The following ABL1 variants were observed in gnomAD, a reference collection of about 807,000 sequenced individuals.
ABL1 encodes ABL proto-oncogene 1, non-receptor tyrosine kinase, also known as tyrosine-protein kinase ABL1.
A neutral mutation model predicts 94.7 loss-of-function variants in ABL1; 11 were observed. That is an observed-to-expected ratio of 0.12 (90% CI 0.07 to 0.19). ABL1 has a LOEUF of 0.19. ABL1 is among the 10% of genes least tolerant of loss of function. The probability of loss-of-function intolerance (pLI) is 1.00; values close to 1 mark genes in which losing one functional copy is unlikely to be tolerated. For synonymous variants in ABL1, 656 were observed against 622.4 expected, an observed-to-expected ratio of 1.05 and a Z score of -0.80; for missense variants, 1,082 against 1,489.4, an observed-to-expected ratio of 0.73 and a Z score of 4.50.
At chr9:130,755,235 A>G (rs4740366) in intron 1 of ABL1, among the ~76,000 whole-genome samples, 45,434 of 151,998 alleles carry the variant, frequency 0.3, 9,368 homozygotes, top group African/African-American at 0.56. Flanking sequence ...TAAGTAGGAC[A>G]TGAGAAGAGC....
chr9:130,880,200 C>A lies in ABL1; in HGVS notation c.1513+43C>A, dbSNP rs1292124178. 6.3e-7 allele frequency: 1 copy of A among 1,585,390 alleles called. No homozygotes were observed. Among genetic ancestry groups the A allele is most frequent in the Non-Finnish European group, 8.7e-7 (1 of 1,153,984 alleles). Reference sequence around the variant, plus strand: ...GGGTACCTGCAGTGGGGTGAAAGGGCAGCCATGTGGGACTGCAGCCTGGGT... The same window carrying A: ...GGGTACCTGCAGTGGGGTGAAAGGGAAGCCATGTGGGACTGCAGCCTGGGT... On this transcript the variant is annotated intron_variant, in intron 9 of 10. Transcript: ENST00000318560. This position sits in a 1 kb window ranked among gnomAD's most constrained non-coding sequence, Gnocchi z 4.4.
chr9:130,718,500 T>C (rs911878319), intron 1 of ABL1, among the ~76,000 whole-genome samples: 1 of 152,280 alleles, frequency 6.6e-6, no homozygotes, highest in African/African-American at 2.4e-5. Flanking sequence ...ATTTCTAATG[T>C]GGTAACTATT....
At chr9:130,762,125 A>G (rs563547724) in intron 1 of ABL1, among the ~76,000 whole-genome samples, 13 of 142,996 alleles carry the variant, frequency 9.1e-5, no homozygotes, top group African/African-American at 3.5e-4. Flanking sequence ...CCTGGGCAAC[A>G]AGAGCGAAAC....
chr9:130,762,353 T>C (rs1832127294), intron 1 of ABL1, among the ~76,000 whole-genome samples: 1 of 152,200 alleles, frequency 6.6e-6, no homozygotes. Context: ...TTCTGTGCCA[T>C]TGAATATAAA....
At chr9:130,720,093 A>G (rs1229361339) in intron 1 of ABL1, among the ~76,000 whole-genome samples, 2 of 152,198 alleles carry the variant, frequency 1.3e-5, no homozygotes, top group Admixed American at 1.3e-4. Flanking sequence ...TTCAACAAAC[A>G]TTTATTTTAT....
intron 1 of ABL1, among the ~76,000 whole-genome samples, chr9:130,845,371 G>C (rs1234802560): frequency 4.7e-5 from 7 of 150,348 alleles, no homozygotes; most frequent in Admixed American, 4.6e-4. Flanking sequence ...AGACAGAGTC[G>C]AGCTCTGTTG....
chr9:130,745,045 G>A (rs1588219682), intron 1 of ABL1, among the ~76,000 whole-genome samples: 3 of 151,536 alleles, frequency 2.0e-5, no homozygotes, highest in African/African-American at 7.3e-5. Flanking sequence ...AATAAAGGTA[G>A]AGTGGTGAGA....
At chr9:130,730,073 TGC>T (rs1831643495) in intron 1 of ABL1, among the ~76,000 whole-genome samples, 1 of 129,936 alleles carries the variant, frequency 7.7e-6, no homozygotes, top group South Asian at 2.5e-4. Flanking sequence ...GATGGAATTC[TGC>T]TCTTGTTGCC....
chr9:130,868,527 T>C (rs866889048), intron 4 of ABL1, among the ~76,000 whole-genome samples: 3,973 of 136,196 alleles, frequency 0.029, 191 homozygotes, highest in African/African-American at 0.11. Flanking sequence ...TTTCTTTTTT[T>C]TTTTTTTTTT....
chr9:130,772,210 T>C (rs2132768597), intron 1 of ABL1, among the ~76,000 whole-genome samples: 1 of 152,324 alleles, frequency 6.6e-6, no homozygotes, highest in Admixed American at 6.5e-5. Context: ...ATTTCAGTCA[T>C]TTACATCGGA....
intron 1 of ABL1, among the ~76,000 whole-genome samples, chr9:130,845,858 C>CT (rs1251750646): frequency 6.9e-6 from 1 of 144,048 alleles, no homozygotes; most frequent in African/African-American, 2.6e-5. Context: ...AAAACTCTAT[C>CT]TAAAAAAAAA....
chr9:130,841,662 A>T (rs558559652), intron 1 of ABL1, among the ~76,000 whole-genome samples: 2 of 151,786 alleles, frequency 1.3e-5, no homozygotes, highest in Admixed American at 1.3e-4. Context: ...AATATAAAAA[A>T]TTAGCCAGGC....
intron 1 of ABL1, among the ~76,000 whole-genome samples, chr9:130,818,036 G>A (rs1830312491): frequency 2.0e-5 from 3 of 152,150 alleles, no homozygotes; most frequent in Admixed American, 1.3e-4. Flanking sequence ...TACAAAGTAA[G>A]GGTGCTATTT....
chr9:130,869,783 C>A (rs939182780), intron 4 of ABL1, among the ~76,000 whole-genome samples: 5 of 151,928 alleles, frequency 3.3e-5, no homozygotes, highest in African/African-American at 1.2e-4. Context: ...GGGATATTTC[C>A]AGTTTAACAC....
At chr9:130,823,339 T>C (rs777048459) in intron 1 of ABL1, among the ~76,000 whole-genome samples, 1 of 152,204 alleles carries the variant, frequency 6.6e-6, no homozygotes, top group African/African-American at 2.4e-5. Context: ...CAGTTTTCAA[T>C]GGAGAAAGAA....
intron 4 of ABL1, among the ~76,000 whole-genome samples, chr9:130,864,290 G>A (rs140931603): frequency 1.5e-4 from 23 of 152,202 alleles, no homozygotes; most frequent in Middle Eastern, 3.4e-3. Flanking sequence ...CTGTTGCCTA[G>A]GCTGGAGTGC....
chr9:130,879,407 T>C (rs974719636), intron 8 of ABL1, among the ~76,000 whole-genome samples: 1 of 152,204 alleles, frequency 6.6e-6, no homozygotes, highest in African/African-American at 2.4e-5. Flanking sequence ...CGGTCCTCTT[T>C]TGATGTGCAT....
intron 1 of ABL1, among the ~76,000 whole-genome samples, chr9:130,732,582 T>G (rs1333566661): frequency 6.6e-6 from 1 of 152,178 alleles, no homozygotes; most frequent in African/African-American, 2.4e-5. Context: ...GCTTAAGTCC[T>G]TATTCCTTTC....
intron 1 of ABL1, among the ~76,000 whole-genome samples, chr9:130,751,717 A>G (rs1378029594): frequency 6.6e-6 from 1 of 152,130 alleles, no homozygotes; most frequent in Non-Finnish European, 1.5e-5. Context: ...TCTGCTCCTC[A>G]ACACCCATGA....
Sources: allele counts gnomAD v4.1 joint callset (sites outside exome capture counted in the v4.1 genomes callset), GRCh38; gene constraint gnomAD v4.1.1; non-coding constraint Gnocchi (gnomAD v3.1); transcripts MANE v1.5; gene names NCBI Gene and HGNC (gene_info 2026-07-23, HGNC 2026-07-21).